The following NFKBIZ variants were observed in gnomAD, a reference collection of about 807,000 sequenced individuals.
The protein encoded by NFKBIZ is NFKB inhibitor zeta.
Under a neutral mutation model 76.8 loss-of-function variants are expected in NFKBIZ, and 19 were observed. The ratio of observed to expected loss-of-function variants is 0.25; its 90% confidence interval spans 0.17 to 0.36. The LOEUF is 0.36. Ranked by LOEUF, NFKBIZ falls within the 10% of genes least tolerant of loss-of-function variation. The pLI is 1.00. For synonymous variants in NFKBIZ, 368 were observed against 354.8 expected, an observed-to-expected ratio of 1.04 and a Z score of -0.42; for missense variants, 829 against 910.9, an observed-to-expected ratio of 0.91 and a Z score of 1.16.
intron 11 of NFKBIZ, chr3:101,858,364 G>A (rs1943082603): frequency 2.0e-6 from 2 of 978,204 alleles, no homozygotes; most frequent in African/African-American, 1.8e-5. Flanking sequence ...AACTTTACAA[G>A]TTTCAAGTTT....
upstream of NFKBIZ, chr3:101,849,154 G>C (rs545825753): frequency 6.6e-6 from 1 of 152,084 alleles, no homozygotes; most frequent in East Asian, 2.0e-4. Context: ...CCCTCTCCCC[G>C]GGCGCCCAGG....
intron 9 of NFKBIZ, 172 bp downstream of exon 9, chr3:101,856,074 A>C: frequency 4.1e-6 from 2 of 485,940 alleles, no homozygotes; most frequent in South Asian, 6.1e-5. Context: ...TTTTTGAGAC[A>C]GAGTCTCACT....
intron 2 of NFKBIZ, among the ~76,000 whole-genome samples, chr3:101,843,020 TAAAAAAAA>T (rs35824432): frequency 2.6e-4 from 17 of 66,464 alleles, no homozygotes; most frequent in South Asian, 2.4e-3. Context: ...CTGTATTTTC[TAAAAAAAA>T]AAAAAAAAAA....
At chr3:101,849,399 A>T (rs1942908033), upstream of NFKBIZ, 2 of 362,062 alleles carry the variant, frequency 5.5e-6, no homozygotes, top group African/African-American at 4.3e-5. Context: ...AATCGGACGC[A>T]TCCGGAGGAG....
Position 101,852,963 on chromosome 3 carries a change from C to G in NFKBIZ, c.538C>G (p.Pro180Ala). The G allele has an allele frequency of 6.2e-7, 1 of 1,614,150 alleles. No individual in the cohort carries two copies. The highest frequency in any genetic ancestry group is 1.1e-5 in the South Asian group (1 of 91,084). The change falls in exon 4 of 12, where the codon CCA becomes GCA. Residue 180 changes from proline (P) to alanine (A), a missense_variant. Physicochemically the swap from Pro to Ala is conservative, Grantham distance 27. Around this residue, in one of 4 missense-constraint regions of NFKBIZ, gnomAD observed 371 missense variants for 332.3 expected, o/e 1.12. Transcript: ENST00000326172. ...SLSDGPACKR[P>A]ALLHSQFLTP... The stretch of plus-strand genomic sequence containing the variant: ...GTCTGATGGACCTGCTTGCAAAAGG[C>G]CAGCTCTGTTGCATTCCCAATTTTT...
At chr3:101,830,457 T>G (rs924234294) in intron 2 of NFKBIZ, among the ~76,000 whole-genome samples, 1 of 152,232 alleles carries the variant, frequency 6.6e-6, no homozygotes, top group African/African-American at 2.4e-5. Flanking sequence ...TAGTTATTTT[T>G]CAGCCCTTGC....
intron 9 of NFKBIZ, chr3:101,856,126 C>A: frequency 3.5e-6 from 1 of 284,520 alleles, no homozygotes; most frequent in East Asian, 7.0e-5. Context: ...TCTTGGCTCA[C>A]TGCAACCTCC....
chr3:101,836,194 A>G (rs538087456), intron 2 of NFKBIZ, among the ~76,000 whole-genome samples: 8 of 152,294 alleles, frequency 5.3e-5, no homozygotes, highest in African/African-American at 1.9e-4. Flanking sequence ...ACTCAGAGAA[A>G]AGGTCAGAGC....
intron 9 of NFKBIZ, among the ~76,000 whole-genome samples, chr3:101,856,450 T>G (rs1330294559): frequency 6.6e-6 from 1 of 152,244 alleles, no homozygotes; most frequent in Non-Finnish European, 1.5e-5. Context: ...AAATAAATAG[T>G]CTTTGAAAGG....
chr3:101,839,458 T>G (rs767199244), intron 2 of NFKBIZ, among the ~76,000 whole-genome samples: 2 of 152,186 alleles, frequency 1.3e-5, no homozygotes, highest in African/African-American at 2.4e-5. Flanking sequence ...ATCAACATGT[T>G]TATGAAGCAA....
intron 2 of NFKBIZ, among the ~76,000 whole-genome samples, chr3:101,840,571 A>G (rs1942774559): frequency 6.6e-6 from 1 of 152,240 alleles, no homozygotes; most frequent in African/African-American, 2.4e-5. Flanking sequence ...TAGAAATGAA[A>G]TGTTAAAGGG....
Position 101,860,639 on chromosome 3 carries a change from CATG to C in NFKBIZ, c.*1272_*1274del, listed in dbSNP as rs1943119731. The C allele has an allele frequency of 6.6e-6, 1 of 151,812 alleles. No individual in the cohort carries two copies. The highest frequency in any genetic ancestry group is 1.5e-5 in the Non-Finnish European group (1 of 67,966). 9.4% of individuals were successfully genotyped at this position (151,812 alleles called of 1,614,324 possible). A position where few individuals can be genotyped will look rare whatever the true frequency, so the allele number is the denominator to read the frequency against. On this transcript the variant is annotated 3_prime_UTR_variant, in exon 12 of 12. Coordinates refer to ENST00000326172, the MANE Select transcript of NFKBIZ (RefSeq NM_031419.4). ...CTGTTGTCAAATGATGATAATGTGC[CATG>C]ATGTTTTATATATATCATTCAGAAA... is the stretch of plus-strand genomic sequence containing the variant.
chr3:101,837,491 CAAAAAAAA>C (rs10713154), intron 2 of NFKBIZ, among the ~76,000 whole-genome samples: 3 of 93,132 alleles, frequency 3.2e-5, no homozygotes, highest in Admixed American at 1.1e-4. Context: ...GATCCTGTCT[CAAAAAAAA>C]AAAAAAAAAG....
chr3:101,850,068 C>A, intron 1 of NFKBIZ, 151 bp downstream of exon 1: 1 of 839,436 alleles, frequency 1.2e-6, no homozygotes, highest in Non-Finnish European at 1.6e-6. Flanking sequence ...CCGCCTTGCC[C>A]GGGCCGGGCG....
At chr3:101,833,508 ACTTTCTATGTTGTAT>A (rs1942675368) in intron 2 of NFKBIZ, among the ~76,000 whole-genome samples, 1 of 152,230 alleles carries the variant, frequency 6.6e-6, no homozygotes, top group Non-Finnish European at 1.5e-5. Flanking sequence ...GGCCATAAGA[ACTTTCTATGTTGTAT>A]CTTTGCTATG....
At chr3:101,852,352 A>G (rs1942977466) in intron 2 of NFKBIZ, 128 bp downstream of exon 2, 25 of 1,168,468 alleles carry the variant, frequency 2.1e-5, no homozygotes, top group Non-Finnish European at 2.8e-5. Context: ...GACAAAGTCC[A>G]TAGGACAGAG....
At chr3:101,831,476 T>C (rs575056898) in intron 2 of NFKBIZ, among the ~76,000 whole-genome samples, 1 of 152,334 alleles carries the variant, frequency 6.6e-6, no homozygotes, top group South Asian at 2.1e-4. Flanking sequence ...TCTTTTTGTG[T>C]CTTGCTTTGT....
Position 101,853,487 on chromosome 3 carries a change from G to A in NFKBIZ, c.961G>A (p.Ala321Thr), listed in dbSNP as rs148590449. Residue 321 changes from alanine to threonine, a missense_variant, in exon 5 of 12, where the codon GCT (alanine) becomes ACT (threonine). Coordinates refer to ENST00000326172, the MANE Select transcript of NFKBIZ (RefSeq NM_031419.4). Reference protein sequence around the residue: ...SPFPIPPQSPAYEPNLFDGPE... With the variant: ...SPFPIPPQSPTYEPNLFDGPE... ...TTTTCCCATACCTCCCCAGTCCCCC[G>A]CTTATGAACCAAACCTCTTTGATGG... is the stretch of plus-strand genomic sequence containing the variant. 1.7e-5 allele frequency: 28 copies of A among 1,614,018 alleles called. No homozygotes were observed. Among genetic ancestry groups the A allele is most frequent in the Middle Eastern group, 1.6e-4 (1 of 6,084 alleles).
At chr3:101,850,085 T>A (rs1387268491) in intron 1 of NFKBIZ, among the ~76,000 whole-genome samples, 168 bp downstream of exon 1, 1 of 151,596 alleles carries the variant, frequency 6.6e-6, no homozygotes, top group Non-Finnish European at 1.5e-5. Flanking sequence ...GGCGCCTGCC[T>A]GACCTACACG....
Sources: allele counts gnomAD v4.1 joint callset (sites outside exome capture counted in the v4.1 genomes callset), GRCh38; gene constraint gnomAD v4.1.1; regional missense constraint gnomAD v4.1.1; transcripts MANE v1.5; gene names NCBI Gene and HGNC (gene_info 2026-07-23, HGNC 2026-07-21).